The following DIAPH3 variants were observed in gnomAD, a reference collection of about 807,000 sequenced individuals.
DIAPH3 encodes the protein protein diaphanous homolog 3.
DIAPH3 carries 117 observed loss-of-function variants against 144.3 expected under a neutral mutation model. The observed-to-expected ratio is 0.81, with a 90% confidence interval of 0.70 to 0.95. The LOEUF (loss-of-function observed/expected upper bound fraction) is 0.95, where lower values mean the gene tolerates loss of function less well. Among genes scored for constraint, DIAPH3 ranks in the 40% least tolerant of loss-of-function variants. The pLI is 0.00. For missense variants in DIAPH3, 1,421 were observed against 1,412.7 expected, an observed-to-expected ratio of 1.01 and a Z score of -0.09; for synonymous variants, 519 against 488.9, an observed-to-expected ratio of 1.06 and a Z score of -0.81.
At chr13:59,905,114 G>A (rs770759569) in intron 20 of DIAPH3, among the ~76,000 whole-genome samples, 3 of 151,802 alleles carry the variant, frequency 2.0e-5, no homozygotes, top group Non-Finnish European at 4.4e-5. Flanking sequence ...AGGCCGAGAC[G>A]GGCAGATCAC....
chr13:59,955,689 G>A (rs1203553784), intron 17 of DIAPH3, among the ~76,000 whole-genome samples: 1 of 152,138 alleles, frequency 6.6e-6, no homozygotes, highest in Non-Finnish European at 1.5e-5. Context: ...GGAAAGTTTG[G>A]ACCTTCCTAG....
intron 22 of DIAPH3, among the ~76,000 whole-genome samples, chr13:59,853,521 T>C (rs937209415): frequency 5.3e-5 from 8 of 152,114 alleles, no homozygotes; most frequent in African/African-American, 1.7e-4. Context: ...CTCTTCCTCC[T>C]TCTCCAGCCA....
At chr13:59,781,550 A>G (rs1269559926) in intron 25 of DIAPH3, among the ~76,000 whole-genome samples, 1 of 152,218 alleles carries the variant, frequency 6.6e-6, no homozygotes, top group Non-Finnish European at 1.5e-5. Context: ...GATCACATGG[A>G]TCACATGGGA....
chr13:59,769,514 G>T (rs1440616523), intron 27 of DIAPH3, among the ~76,000 whole-genome samples: 1 of 151,636 alleles, frequency 6.6e-6, no homozygotes, highest in Non-Finnish European at 1.5e-5. Context: ...CTCTGTGGGG[G>T]TGTCTTAACC....
chr13:60,057,191 T>G (rs557529448), intron 4 of DIAPH3, among the ~76,000 whole-genome samples: 11 of 151,956 alleles, frequency 7.2e-5, no homozygotes, highest in South Asian at 6.2e-4. Context: ...AATCAATGAA[T>G]TCAGTAAAGC....
chr13:59,954,039 C>T (rs1403914259), intron 17 of DIAPH3, among the ~76,000 whole-genome samples: 1 of 152,158 alleles, frequency 6.6e-6, no homozygotes, highest in Non-Finnish European at 1.5e-5. Context: ...CACCAAGGTC[C>T]ATTCCATACC....
intron 27 of DIAPH3, among the ~76,000 whole-genome samples, chr13:59,684,955 A>C (rs986813206): frequency 6.6e-6 from 1 of 152,146 alleles, no homozygotes; most frequent in African/African-American, 2.4e-5. Context: ...ATTCAGAATA[A>C]TATGTCCTAT....
At chr13:60,124,818 A>G (rs916870899) in intron 2 of DIAPH3, among the ~76,000 whole-genome samples, 1 of 151,996 alleles carries the variant, frequency 6.6e-6, no homozygotes, top group African/African-American at 2.4e-5. Flanking sequence ...CTGGGTGACA[A>G]AGCGAGACCC....
chr13:59,803,686 T>C (rs1291479164), intron 25 of DIAPH3, among the ~76,000 whole-genome samples: 1 of 152,192 alleles, frequency 6.6e-6, no homozygotes, highest in Admixed American at 6.5e-5. Flanking sequence ...AAGGATGGTG[T>C]GTGAGCCTTG....
chr13:60,091,280 G>A (rs966406189), intron 4 of DIAPH3, among the ~76,000 whole-genome samples: 11 of 152,052 alleles, frequency 7.2e-5, no homozygotes, highest in African/African-American at 1.2e-4. Flanking sequence ...TACATCCAGT[G>A]CTGCTTCACA....
chr13:59,926,736 T>C (rs1249698690), intron 17 of DIAPH3, among the ~76,000 whole-genome samples: 1 of 152,190 alleles, frequency 6.6e-6, no homozygotes, highest in African/African-American at 2.4e-5. Flanking sequence ...TGAGACTTGT[T>C]TTCTGGCCTA....
chr13:60,018,281 C>G (rs17669147), intron 5 of DIAPH3, among the ~76,000 whole-genome samples: 34,980 of 152,038 alleles, frequency 0.23, 5,246 homozygotes, highest in Admixed American at 0.37. Flanking sequence ...CACTGTTCAT[C>G]AAACTGCCTC....
At chr13:60,153,846 A>G (rs1208254789) in intron 1 of DIAPH3, among the ~76,000 whole-genome samples, 1 of 152,132 alleles carries the variant, frequency 6.6e-6, no homozygotes, top group Non-Finnish European at 1.5e-5. Context: ...TTGGAGTATC[A>G]CAAGAATTTT....
intron 20 of DIAPH3, among the ~76,000 whole-genome samples, chr13:59,898,312 G>A (rs2046246665): frequency 6.6e-6 from 1 of 152,030 alleles, no homozygotes; most frequent in Non-Finnish European, 1.5e-5. Flanking sequence ...ACAAACAAAG[G>A]AAATGAAATT....
intron 22 of DIAPH3, among the ~76,000 whole-genome samples, chr13:59,861,103 C>A (rs1347788346): frequency 6.6e-6 from 1 of 152,086 alleles, no homozygotes; most frequent in Non-Finnish European, 1.5e-5. Flanking sequence ...GAGAGCATCA[C>A]CCTGGCCAAA....
chr13:60,082,061 A>G (rs1284578552), intron 4 of DIAPH3, among the ~76,000 whole-genome samples: 1 of 152,006 alleles, frequency 6.6e-6, no homozygotes, highest in Non-Finnish European at 1.5e-5. Flanking sequence ...AAGTGAGCTA[A>G]CAGACATTAA....
At chr13:60,100,539 A>G (rs953392225) in intron 3 of DIAPH3, among the ~76,000 whole-genome samples, 1 of 152,168 alleles carries the variant, frequency 6.6e-6, no homozygotes, top group East Asian at 1.9e-4. Flanking sequence ...AGTTAGCAAT[A>G]TCGTCTCAGT....
chr13:59,730,387 G>T (rs2035836610), intron 27 of DIAPH3, among the ~76,000 whole-genome samples: 1 of 151,980 alleles, frequency 6.6e-6, no homozygotes, highest in Non-Finnish European at 1.5e-5. Context: ...AATTATAAAG[G>T]AAAAGTGTAG....
At chr13:60,051,484 G>T (rs1008749926) in intron 4 of DIAPH3, among the ~76,000 whole-genome samples, 1 of 152,138 alleles carries the variant, frequency 6.6e-6, no homozygotes, top group Non-Finnish European at 1.5e-5. Context: ...GCCAGGCGTG[G>T]TGGCACATGC....
Sources: allele counts gnomAD v4.1 joint callset (sites outside exome capture counted in the v4.1 genomes callset), GRCh38; gene constraint gnomAD v4.1.1; transcripts MANE v1.5; gene names NCBI Gene and HGNC (gene_info 2026-07-23, HGNC 2026-07-21).